The following GAPVD1 variants were observed in gnomAD, a reference collection of about 807,000 sequenced individuals.
GAPVD1 encodes GTPase activating protein and VPS9 domains 1, also known as GTPase-activating protein and VPS9 domain-containing protein 1.
A neutral mutation model predicts 155.5 loss-of-function variants in GAPVD1; 35 were observed. The ratio of observed to expected loss-of-function variants is 0.23; its 90% CI spans 0.17 to 0.30. GAPVD1 has a LOEUF of 0.30. Ranked by LOEUF, GAPVD1 falls within the 10% of genes least tolerant of loss-of-function variation. The pLI, the probability that GAPVD1 is intolerant of heterozygous loss-of-function variation, is 1.00. For synonymous variants in GAPVD1, 636 were observed against 619.7 expected (o/e 1.03, Z -0.39); for missense variants, 1,429 against 1,775.7 (o/e 0.80, Z 3.51).
chr9:125,283,026 ATTTTTATTTATT>A (rs1183177862), intron 2 of GAPVD1, among the ~76,000 whole-genome samples: 17 of 138,114 alleles, frequency 1.2e-4, no homozygotes, highest in African/African-American at 4.5e-4. Context: ...GTTTATTTTT[ATTTTTATTTATT>A]TATTTATTTA....
At chr9:125,335,123 G>A in intron 15 of GAPVD1, 1 of 723,728 alleles carries the variant, frequency 1.4e-6, no homozygotes, top group Non-Finnish European at 2.5e-6. Flanking sequence ...TTCTGAAAAG[G>A]CTACTAACAT....
At chr9:125,355,161 G>C (rs940680306) in intron 24 of GAPVD1, among the ~76,000 whole-genome samples, 1 of 152,132 alleles carries the variant, frequency 6.6e-6, no homozygotes, top group African/African-American at 2.4e-5. Context: ...TCTGTCGCCA[G>C]GCTGGAGTAC....
chr9:125,273,536 G>A (rs948558260), intron 2 of GAPVD1, among the ~76,000 whole-genome samples: 6 of 150,732 alleles, frequency 4.0e-5, no homozygotes, highest in African/African-American at 1.5e-4. Context: ...GACTGCAGAA[G>A]AGGTGATTTA....
intron 17 of GAPVD1, among the ~76,000 whole-genome samples, chr9:125,340,911 C>T (rs430184): frequency 0.6 from 91,374 of 152,026 alleles, 29,587 homozygotes; most frequent in African/African-American, 0.87. Context: ...AGACCCTGTC[C>T]CTACAAAATA....
At chr9:125,301,701 C>T (rs192689208) in intron 4 of GAPVD1, among the ~76,000 whole-genome samples, 16 of 152,104 alleles carry the variant, frequency 1.1e-4, no homozygotes, top group African/African-American at 3.1e-4. Context: ...TTGCCCGCCT[C>T]GGCCTCACAA....
At chr9:125,325,417 G>T (rs1844986179) in intron 11 of GAPVD1, among the ~76,000 whole-genome samples, 1 of 149,954 alleles carries the variant, frequency 6.7e-6, no homozygotes, top group South Asian at 2.1e-4. Flanking sequence ...AGCTACTCGG[G>T]AGGCTGAGGC....
chr9:125,288,329 C>T (rs997119490), intron 2 of GAPVD1, among the ~76,000 whole-genome samples: 2 of 152,068 alleles, frequency 1.3e-5, no homozygotes, highest in African/African-American at 4.8e-5. Flanking sequence ...TCAGGCTGGT[C>T]TCAAACTCCT....
intron 12 of GAPVD1, 129 bp downstream of exon 12, chr9:125,326,718 A>G: frequency 1.6e-6 from 1 of 640,906 alleles, no homozygotes; most frequent in South Asian, 2.1e-5. Context: ...AACTGTTATA[A>G]CTGTATGGAA....
intron 10 of GAPVD1, among the ~76,000 whole-genome samples, chr9:125,323,406 C>T (rs368153048): frequency 6.6e-6 from 1 of 151,874 alleles, no homozygotes; most frequent in Admixed American, 6.6e-5. Context: ...CCCGGGTTCA[C>T]GCCATTCTCC....
chr9:125,361,322 G>A (rs971997298), intron 27 of GAPVD1, among the ~76,000 whole-genome samples: 21 of 152,184 alleles, frequency 1.4e-4, no homozygotes, highest in South Asian at 2.1e-4. Context: ...GGTGGATCAC[G>A]AGGTCAGGAA....
At chr9:125,327,376 CA>C (rs1315728582) in intron 12 of GAPVD1, among the ~76,000 whole-genome samples, 5 of 151,932 alleles carry the variant, frequency 3.3e-5, no homozygotes, top group African/African-American at 7.3e-5. Flanking sequence ...ATTTTAGGTT[CA>C]GGGGGTACAT....
chr9:125,357,288 T>G (rs1340500159), intron 25 of GAPVD1, among the ~76,000 whole-genome samples: 1 of 152,168 alleles, frequency 6.6e-6, no homozygotes, highest in Non-Finnish European at 1.5e-5. Context: ...TTATTAAGAA[T>G]GAACAGTTGG....
Position 125,355,789 on chromosome 9 carries a change from A to C in GAPVD1, c.3903A>C (p.Arg1301=). Residue 1301 remains arginine (R), a synonymous_variant, in exon 25 of 28, where the codon CGA becomes CGC. Coordinates refer to ENST00000297933, the MANE Select transcript of GAPVD1 (RefSeq NM_001282680.3). The stretch of plus-strand genomic sequence containing the variant: ...AAGATGCACAGCTGGCCATTGAGCG[A>C]AGCGTGATGAACCGGATTTTCAAGC... ...QLQDAQLAIE[R]SVMNRIFKLA... is the part of the protein sequence containing the mutation. The C allele has an allele frequency of 6.2e-7, 1 of 1,613,770 alleles. No individual in the cohort carries two copies.
chr9:125,307,934 C>A, intron 8 of GAPVD1, 54 bp downstream of exon 8: 1 of 1,216,318 alleles, frequency 8.2e-7, no homozygotes, highest in African/African-American at 1.5e-5. Context: ...ATTTCATTAG[C>A]CTTTGTTATT....
At chr9:125,332,255 G>A (rs966849485) in intron 14 of GAPVD1, among the ~76,000 whole-genome samples, 195 bp downstream of exon 14, 4 of 152,154 alleles carry the variant, frequency 2.6e-5, no homozygotes, top group East Asian at 1.9e-4. Flanking sequence ...GAAGTAATTG[G>A]CAAACAGTCT....
chr9:125,279,261 G>A (rs1836328349), intron 2 of GAPVD1, among the ~76,000 whole-genome samples: 1 of 151,444 alleles, frequency 6.6e-6, no homozygotes, highest in East Asian at 2.0e-4. Flanking sequence ...TTACATTAAT[G>A]TGAATATTAC....
At chr9:125,287,520 T>G (rs561489927) in intron 2 of GAPVD1, among the ~76,000 whole-genome samples, 3 of 151,772 alleles carry the variant, frequency 2.0e-5, no homozygotes, top group African/African-American at 7.3e-5. Context: ...AAATAAAAAA[T>G]AAAAGAAAAA....
In GAPVD1 at chr9:125,293,871, TATATATA is replaced by T. The variant is rs1385034278; in HGVS notation, c.-149-1586_-149-1580del. Reference sequence around the variant, plus strand: ...TATATTTTATATATATATATATATATATATATATATATATATATATATATATATATAT... The same window carrying T: ...TATATTTTATATATATATATATATATTATATATATATATATATATATATAT... On this transcript the variant is annotated intron_variant, in intron 2 of 27. Transcript: ENST00000297933. Among the ~76,000 whole-genome samples, 25 of 90,194 alleles carry T rather than the reference TATATATA, an allele frequency of 2.8e-4. 1 individual carries two copies. The highest frequency in any genetic ancestry group is 1.1e-3 in the African/African-American group (25 of 23,372). 59.2% of individuals were successfully genotyped at this position (90,194 alleles called of 152,430 possible). A position where few individuals can be genotyped will look rare whatever the true frequency, so the allele number is the denominator to read the frequency against.
intron 20 of GAPVD1, among the ~76,000 whole-genome samples, chr9:125,348,778 C>T (rs546504946): frequency 6.6e-6 from 1 of 152,298 alleles, no homozygotes; most frequent in South Asian, 2.1e-4. Flanking sequence ...TCCCAAAGTG[C>T]TGGGATTACA....
Sources: allele counts gnomAD v4.1 joint callset (sites outside exome capture counted in the v4.1 genomes callset), GRCh38; gene constraint gnomAD v4.1.1; transcripts MANE v1.5; gene names NCBI Gene and HGNC (gene_info 2026-07-23, HGNC 2026-07-21).